The following DENND4C variants were observed in gnomAD, a reference collection of about 807,000 sequenced individuals.
DENND4C encodes DENN domain-containing protein 4C.
Under a neutral mutation model 203.0 loss-of-function variants are expected in DENND4C, and 108 were observed. The observed-to-expected ratio is 0.53, with a 90% CI of 0.46 to 0.62. The LOEUF (loss-of-function observed/expected upper bound fraction) is 0.62. Ranked by LOEUF, DENND4C falls within the 20% of genes least tolerant of loss-of-function variation. DENND4C has a pLI of 0.00. For missense variants in DENND4C, 2,481 were observed against 2,301.2 expected, an observed-to-expected ratio of 1.08 and a Z score of -1.60; for synonymous variants, 871 against 792.4, an observed-to-expected ratio of 1.10 and a Z score of -1.67.
chr9:19,256,309 G>GTTTTTTTTTTTT (rs1165191635), intron 1 of DENND4C, among the ~76,000 whole-genome samples: 47 of 84,854 alleles, frequency 5.5e-4, no homozygotes, highest in African/African-American at 8.5e-4. Flanking sequence ...TTTTTTTTTT[G>GTTTTTTTTTTTT]TTTTTTTTTT....
chr9:19,318,085 A>G (rs770849824), intron 12 of DENND4C, among the ~76,000 whole-genome samples: 10 of 152,234 alleles, frequency 6.6e-5, no homozygotes, highest in Non-Finnish European at 1.3e-4. Flanking sequence ...TTGGGAGACT[A>G]AGGCAGGCAG....
intron 1 of DENND4C, among the ~76,000 whole-genome samples, chr9:19,273,347 A>C (rs983051718): frequency 6.6e-6 from 1 of 151,940 alleles, no homozygotes; most frequent in Admixed American, 6.6e-5. Flanking sequence ...TGGCCTCCCA[A>C]AGTGCAGGAA....
chr9:19,260,743 T>G (rs150860750), intron 1 of DENND4C, among the ~76,000 whole-genome samples: 1 of 152,298 alleles, frequency 6.6e-6, no homozygotes, highest in East Asian at 1.9e-4. Context: ...TTTGCAAATA[T>G]TTTCTCCCAT....
At chr9:19,308,698 A>G (rs1840169152) in intron 10 of DENND4C, among the ~76,000 whole-genome samples, 3 of 152,068 alleles carry the variant, frequency 2.0e-5, no homozygotes. Flanking sequence ...TTTATGGAGT[A>G]CTGTTTTTGG....
chr9:19,352,127 ATGGTTC>A lies in DENND4C; in HGVS notation c.4552_4557del (p.Gly1518_Ser1519del), dbSNP rs779778750. On this transcript the variant is annotated inframe_deletion, in exon 25 of 33. Transcript: ENST00000434457. ...GGGCAAGACTTTGAAAAATCAGATC[ATGGTTC>A]TTCTCAAAATACCAGCATGTCTAGC... The A allele has an allele frequency of 6.2e-7, 1 of 1,613,944 alleles. No individual in the cohort carries two copies. The highest frequency in any genetic ancestry group is 8.5e-7 in the Non-Finnish European group (1 of 1,179,924).
intron 22 of DENND4C, 39 bp from the exon 23 acceptor site, chr9:19,345,882 A>T (rs1324873165): frequency 6.7e-7 from 1 of 1,485,030 alleles, no homozygotes; most frequent in East Asian, 2.3e-5. Context: ...GTTAACTTGG[A>T]AAATAGGTTC....
At position 19,357,065 on chromosome 9, in the gene DENND4C, T is replaced by A; in HGVS notation, c.4875T>A (p.Ser1625Arg). Residue 1625 changes from serine (S) to arginine (R), a missense_variant, in exon 27 of 33, where the codon AGT becomes AGA. Physicochemically the swap from Ser to Arg is moderately radical, Grantham distance 110. Around this residue, in one of 3 missense-constraint regions of DENND4C, gnomAD observed 2,289 missense variants for 2,113.3 expected, o/e 1.08. Transcript: ENST00000434457. Reference sequence around the variant, plus strand: ...CCTTGGAGCACAAACCTGTATCCAGTTTAGCAGAACCTGACTTGATCAACT... The same window carrying A: ...CCTTGGAGCACAAACCTGTATCCAGATTAGCAGAACCTGACTTGATCAACT... The part of the protein sequence containing the change: ...NESLEHKPVS[S>R]LAEPDLINFM... 1 of 1,613,972 alleles carries A rather than the reference T, an allele frequency of 6.2e-7. No individual in the cohort carries two copies. Among genetic ancestry groups the A allele is most frequent in the Non-Finnish European group, 8.5e-7 (1 of 1,179,918 alleles).
intron 22 of DENND4C, among the ~76,000 whole-genome samples, chr9:19,344,169 AAGC>A (rs998878402): frequency 6.6e-6 from 1 of 152,196 alleles, no homozygotes; most frequent in Non-Finnish European, 1.5e-5. Flanking sequence ...TTTTTCCTTG[AAGC>A]ACCCAGATAT....
chr9:19,341,996 C>T (rs550416063), intron 21 of DENND4C, among the ~76,000 whole-genome samples: 1 of 152,146 alleles, frequency 6.6e-6, no homozygotes, highest in South Asian at 2.1e-4. Flanking sequence ...AGTGGCAGCA[C>T]CTCTGTAATC....
rs117313641 is a variant in DENND4C, at chr9:19,360,779, G to A, written c.5406+290G>A. On this transcript the variant is annotated intron_variant, in intron 29 of 32. Transcript: ENST00000434457. ...TCTATCCAGCAGTTAGGAGAAAAAT[G>A]GATGGAGAGGAGAGTATGTCTTTTT... 6.2e-3 allele frequency among the ~76,000 whole-genome samples: 946 copies of A among 152,306 alleles called. 6 individuals carry two copies. Among genetic ancestry groups the A allele is most frequent in the Non-Finnish European group, 9.6e-3 (650 of 68,026 alleles).
chr9:19,315,962 T>C (rs1455304670), intron 10 of DENND4C, among the ~76,000 whole-genome samples: 1 of 152,170 alleles, frequency 6.6e-6, no homozygotes, highest in Non-Finnish European at 1.5e-5. Context: ...ATAGATTATA[T>C]TGAATAATGG....
rs1829231936 is a variant in DENND4C, at chr9:19,373,828, A to C, written c.*1655A>C. Among the ~76,000 whole-genome samples, 1 of 152,032 alleles carries C rather than the reference A, an allele frequency of 6.6e-6. No individual in the cohort carries two copies. The highest frequency in any genetic ancestry group is 2.1e-4 in the South Asian group (1 of 4,828). ...TACAGTAACAACCTAACTCCCTTCT[A>C]CCTGATGTAACCATTTACAAATTAT... is the stretch of plus-strand genomic sequence containing the variant. On this transcript the variant is annotated 3_prime_UTR_variant, in exon 33 of 33. Transcript: ENST00000434457.
intron 17 of DENND4C, among the ~76,000 whole-genome samples, chr9:19,333,913 C>G (rs1373641931): frequency 6.6e-6 from 1 of 152,164 alleles, no homozygotes; most frequent in Non-Finnish European, 1.5e-5. Flanking sequence ...TCTTCTCATT[C>G]TTTTAAAGAC....
chr9:19,275,720 C>A (rs569796172), intron 1 of DENND4C, among the ~76,000 whole-genome samples: 8 of 152,170 alleles, frequency 5.3e-5, no homozygotes, highest in Non-Finnish European at 8.8e-5. Context: ...ATCCACCCAC[C>A]TCCACCTCCC....
chr9:19,274,832 G>T (rs576031342), intron 1 of DENND4C, among the ~76,000 whole-genome samples: 2 of 152,284 alleles, frequency 1.3e-5, no homozygotes, highest in East Asian at 3.9e-4. Context: ...GATCTTGACT[G>T]ATGATGCACT....
chr9:19,320,251 T>C (rs1842657853), intron 12 of DENND4C, among the ~76,000 whole-genome samples: 1 of 152,002 alleles, frequency 6.6e-6, no homozygotes, highest in African/African-American at 2.4e-5. Context: ...CCAGGTGGAA[T>C]GTAGTGGTGC....
chr9:19,276,170 C>T lies in DENND4C; in HGVS notation c.-5C>T. On this transcript the variant is annotated 5_prime_UTR_variant, in exon 2 of 33. Transcript: ENST00000434457. ...CTCCCTCTTCTAGAAAATACAGTAG[C>T]AGCCATGATAGAAGACAAAGGACCA... The T allele has an allele frequency of 8.1e-7, 1 of 1,231,292 alleles. No individual in the cohort carries two copies. The highest frequency in any genetic ancestry group is 1.0e-6 in the Non-Finnish European group (1 of 987,282). 76.3% of individuals were successfully genotyped at this position (1,231,292 alleles called of 1,614,324 possible). A position where few individuals can be genotyped will look rare whatever the true frequency, so the allele number is the denominator to read the frequency against.
At chr9:19,321,036 T>C (rs974080625) in intron 12 of DENND4C, among the ~76,000 whole-genome samples, 32 of 152,238 alleles carry the variant, frequency 2.1e-4, no homozygotes, top group African/African-American at 7.7e-4. Context: ...CAGGATCTTT[T>C]AGGATTAGTG....
At chr9:19,270,173 C>A (rs1200244248) in intron 1 of DENND4C, among the ~76,000 whole-genome samples, 2 of 152,150 alleles carry the variant, frequency 1.3e-5, no homozygotes, top group Non-Finnish European at 2.9e-5. Flanking sequence ...GACACAAGCA[C>A]CCCTGCAACC....
Sources: gnomAD v4.1 joint callset for allele counts (sites outside exome capture counted in the v4.1 genomes callset) on GRCh38, gnomAD v4.1.1 for gene constraint, gnomAD v4.1.1 regional missense constraint, MANE v1.5 for transcripts, NCBI Gene and HGNC (gene_info 2026-07-23, HGNC 2026-07-21) for gene names.